The following PROM2 variants were observed in gnomAD, a reference collection of about 807,000 sequenced individuals.
PROM2 encodes prominin 2, also known as prominin-2.
Under a neutral mutation model 110.2 loss-of-function variants are expected in PROM2, and 90 were observed. That is an observed-to-expected ratio of 0.82 (90% CI 0.69 to 0.97). The LOEUF (loss-of-function observed/expected upper bound fraction) is 0.97. PROM2 is among the 50% of genes least tolerant of loss of function. The pLI is 0.00. For synonymous variants in PROM2, 470 were observed against 467.8 expected, an observed-to-expected ratio of 1.00 and a Z score of -0.06; for missense variants, 1,009 against 1,074.8, an observed-to-expected ratio of 0.94 and a Z score of 0.86.
chr2:95,278,666 C>A (rs1676824579), intron 8 of PROM2, 55 bp from the exon 9 acceptor site: 4 of 1,609,208 alleles, frequency 2.5e-6, no homozygotes, highest in African/African-American at 1.3e-5. Flanking sequence ...TGGGGTCTCC[C>A]AAGAGGGGAC....
Position 95,276,875 on chromosome 2 carries a change from C to T in PROM2, c.683-97C>T. The T allele has an allele frequency of 1.5e-6, 2 of 1,354,952 alleles. No homozygotes were observed. The highest frequency in any genetic ancestry group is 2.5e-5 in the South Asian group (2 of 79,398). The allele number at this position is 1,354,952 out of a possible 1,614,324, so 83.9% of individuals were successfully genotyped here. On this transcript the variant is annotated intron_variant, in intron 5 of 23. Coordinates refer to ENST00000317620, the MANE Select transcript of PROM2 (RefSeq NM_001165978.3). This position sits in a 1 kb window ranked among gnomAD's most constrained non-coding sequence, Gnocchi z 4.6. Reference sequence around the variant, plus strand: ...TTCACTCCCCTCCACCCCCCGGCTCCTGCAGAGCCCGGTGGGGCCTGGGGA... The same window carrying T: ...TTCACTCCCCTCCACCCCCCGGCTCTTGCAGAGCCCGGTGGGGCCTGGGGA...
intron 11 of PROM2, 98 bp from the exon 12 acceptor site, chr2:95,281,143 TG>T: frequency 6.7e-7 from 1 of 1,500,124 alleles, no homozygotes; most frequent in Non-Finnish European, 9.0e-7. Context: ...TGGGGCCAAC[TG>T]GCTGAGCAGG....
At chr2:95,283,670 C>T (rs559898138) in intron 14 of PROM2, among the ~76,000 whole-genome samples, 8 of 152,332 alleles carry the variant, frequency 5.3e-5, no homozygotes, top group Admixed American at 1.3e-4. Flanking sequence ...TCCACTCTGA[C>T]CTCAGTTTCT....
At position 95,277,550 on chromosome 2, in the gene PROM2, G is replaced by A; in HGVS notation, c.959G>A (p.Gly320Asp). Residue 320 changes from glycine (G) to aspartate (D), a missense_variant, in exon 7 of 24, where the codon GGT becomes GAT. By Grantham distance (94) the Gly-to-Asp change is moderately conservative (BLOSUM62 -1). Transcript: ENST00000317620. ...ALSWARTLEL[G>D]ADFSQVPSVD... ...AGCTGGGCCCGCACCCTGGAGCTGGGTGCTGACTTCAGCCAGGTGCAGACC... is the reference window on the plus strand; with the variant it reads ...AGCTGGGCCCGCACCCTGGAGCTGGATGCTGACTTCAGCCAGGTGCAGACC... 1.9e-6 allele frequency: 3 copies of A among 1,582,140 alleles called. No homozygotes were observed. Among genetic ancestry groups the A allele is most frequent in the Non-Finnish European group, 1.7e-6 (2 of 1,164,904 alleles).
Position 95,289,304 on chromosome 2 carries a change from C to G in PROM2, c.*91C>G. Reference sequence around the variant, plus strand: ...GACTTCGGTAGCTCTTGCCCCAGAGCCCAGGCTGGCATCCAGGCCTGGACT... The same window carrying G: ...GACTTCGGTAGCTCTTGCCCCAGAGGCCAGGCTGGCATCCAGGCCTGGACT... On this transcript the variant is annotated 3_prime_UTR_variant, in exon 24 of 24. Transcript: ENST00000317620. 2.2e-6 allele frequency: 1 copy of G among 457,090 alleles called. No individual in the cohort carries two copies. Among genetic ancestry groups the G allele is most frequent in the Non-Finnish European group, 4.0e-6 (1 of 247,436 alleles). 28.3% of individuals were successfully genotyped at this position (457,090 alleles called of 1,614,324 possible). A position where few individuals can be genotyped will look rare whatever the true frequency, so the allele number is the denominator to read the frequency against.
rs1261900341 is a variant in PROM2 at position 95,276,783 on chromosome 2, C to G, written c.682+126C>G. On this transcript the variant is annotated intron_variant, in intron 5 of 23. Coordinates refer to ENST00000317620, the MANE Select transcript of PROM2 (RefSeq NM_001165978.3). The surrounding 1 kb of genome is among the most constrained non-coding windows in gnomAD (Gnocchi z 4.6). The stretch of plus-strand genomic sequence containing the variant: ...GGAACAGGCTGGTAGAGGTGGGGAT[C>G]AGGCCGGCTGGAGAGCAAGAGTGGC... 1.6e-6 allele frequency: 2 copies of G among 1,215,682 alleles called. No homozygotes were observed. The highest frequency in any genetic ancestry group is 1.5e-5 in the African/African-American group (1 of 66,442). 75.3% of individuals were successfully genotyped at this position (1,215,682 alleles called of 1,614,324 possible).
intron 11 of PROM2, among the ~76,000 whole-genome samples, chr2:95,280,788 G>A (rs1040923905): frequency 1.3e-5 from 2 of 152,142 alleles, no homozygotes; most frequent in African/African-American, 4.8e-5. Flanking sequence ...GGGACTACAG[G>A]CGTGTGCCAC....
Position 95,277,484 on chromosome 2 carries a change from TG to T in PROM2, c.894del (p.Gln299ArgfsTer13), listed in dbSNP as rs1676743399. ...REHRDRLLELLQEARCQGDCA... is the reference protein window; with the variant it reads ...REHRDRLLELXQEARCQGDCA... Reference sequence around the variant, plus strand: ...CACCGGGACCGCCTCCTTGAGCTGCTGCAGGAGGCCAGGTGCCAGGGAGATT... The same window carrying T: ...CACCGGGACCGCCTCCTTGAGCTGCTCAGGAGGCCAGGTGCCAGGGAGATT... On this transcript the variant is annotated frameshift_variant, in exon 7 of 24. Transcript: ENST00000317620. LOFTEE classifies it high-confidence loss of function. 9.3e-6 allele frequency: 15 copies of T among 1,612,308 alleles called. No individual in the cohort carries two copies. The highest frequency in any genetic ancestry group is 1.3e-5 in the Non-Finnish European group (15 of 1,179,730).
At position 95,274,656 on chromosome 2, in the gene PROM2, C is replaced by T; in HGVS notation, c.71C>T (p.Ala24Val). ...CTGGGGCTGGCCCTGAGTCAGCTGGCTGCAGGGGCCACAGACTGCAAGTTC... is the reference window on the plus strand; with the variant it reads ...CTGGGGCTGGCCCTGAGTCAGCTGGTTGCAGGGGCCACAGACTGCAAGTTC... Reference protein sequence around the residue: ...LGLGLALSQLAAGATDCKFLG... With the variant: ...LGLGLALSQLVAGATDCKFLG... The change falls in exon 1 of 24, where the codon GCT becomes GTT. Residue 24 changes from alanine to valine, a missense_variant. Coordinates refer to ENST00000317620, the MANE Select transcript of PROM2 (RefSeq NM_001165978.3). The T allele has an allele frequency of 6.2e-7, 1 of 1,610,788 alleles. No homozygotes were observed. Among genetic ancestry groups the T allele is most frequent in the Non-Finnish European group, 8.5e-7 (1 of 1,177,994 alleles).
At position 95,276,503 on chromosome 2, in the gene PROM2, G is replaced by A. The variant is rs1431626635; in HGVS notation, c.619-91G>A. 6.2e-7 allele frequency: 1 copy of A among 1,602,578 alleles called. No homozygotes were observed. Among genetic ancestry groups the A allele is most frequent in the Non-Finnish European group, 8.5e-7 (1 of 1,170,744 alleles). ...AGAGTCGACCACCCTCAGGGTGGAT[G>A]CCATAGGGGCAGGGAAGGGGCCAGG... is the stretch of plus-strand genomic sequence containing the variant. On this transcript the variant is annotated intron_variant, in intron 4 of 23. Coordinates refer to ENST00000317620, the MANE Select transcript of PROM2 (RefSeq NM_001165978.3). This position sits in a 1 kb window ranked among gnomAD's most constrained non-coding sequence, Gnocchi z 4.6.
chr2:95,288,682 T>C lies in PROM2; in HGVS notation c.2441+93T>C, dbSNP rs1166769161. Reference sequence around the variant, plus strand: ...CCCTGTCACAGCCCCTCCTGAGACCTCCCAGGCAGAGGAGGCTCATGAGCG... The same window carrying C: ...CCCTGTCACAGCCCCTCCTGAGACCCCCCAGGCAGAGGAGGCTCATGAGCG... On this transcript the variant is annotated intron_variant, in intron 22 of 23. Transcript: ENST00000317620. The C allele has an allele frequency of 5.4e-6, 6 of 1,120,984 alleles. No homozygotes were observed. The African/African-American group carries it at 6.2e-5, about 12-fold the overall frequency. 69.4% of individuals were successfully genotyped at this position (1,120,984 alleles called of 1,614,324 possible).
In PROM2 at chr2:95,279,163, T is replaced by A. The variant is rs756654563; in HGVS notation, c.1274+19T>A. Reference sequence around the variant, plus strand: ...CCTACAGGTGCTGGGCACCGCAGGGTGGGATGGGGTGGGGTGGGGTGGGCA... The same window carrying A: ...CCTACAGGTGCTGGGCACCGCAGGGAGGGATGGGGTGGGGTGGGGTGGGCA... On this transcript the variant is annotated intron_variant, in intron 10 of 23. Transcript: ENST00000317620. 2.7e-6 allele frequency: 1 copy of A among 366,232 alleles called. No homozygotes were observed. Among genetic ancestry groups the A allele is most frequent in the Non-Finnish European group, 4.7e-6 (1 of 210,982 alleles). The allele number at this position is 366,232 out of a possible 1,614,324, so 22.7% of individuals were successfully genotyped here. A position where few individuals can be genotyped will look rare whatever the true frequency, so the allele number is the denominator to read the frequency against.
chr2:95,279,252 G>A (rs1676882164), intron 10 of PROM2, 108 bp downstream of exon 10: 21 of 830,422 alleles, frequency 2.5e-5, no homozygotes, highest in South Asian at 9.9e-5. Context: ...GCCCCTGACT[G>A]TACTGAGCCT....
At position 95,289,295 on chromosome 2, in the gene PROM2, G is replaced by A. The variant is rs1427831382; in HGVS notation, c.*82G>A. The A allele has an allele frequency of 6.4e-6, 3 of 469,516 alleles. No individual in the cohort carries two copies. The highest frequency in any genetic ancestry group is 5.9e-5 in the African/African-American group (3 of 50,872). The allele number at this position is 469,516 out of a possible 1,614,324, so 29.1% of individuals were successfully genotyped here. A position where few individuals can be genotyped will look rare whatever the true frequency, so the allele number is the denominator to read the frequency against. On this transcript the variant is annotated 3_prime_UTR_variant, in exon 24 of 24. Transcript: ENST00000317620. ...GGGCCACAGGACTTCGGTAGCTCTTGCCCCAGAGCCCAGGCTGGCATCCAG... is the reference window on the plus strand; with the variant it reads ...GGGCCACAGGACTTCGGTAGCTCTTACCCCAGAGCCCAGGCTGGCATCCAG...
At position 95,276,418 on chromosome 2, in the gene PROM2, G is replaced by A. The variant is rs1330975588; in HGVS notation, c.618+71G>A. ...GGCCCGGGCAGGACAGAGCCGAGTG[G>A]GCCCTCGATGGCCCATAACCAGCGC... On this transcript the variant is annotated intron_variant, in intron 4 of 23. Coordinates refer to ENST00000317620, the MANE Select transcript of PROM2 (RefSeq NM_001165978.3). This position sits in a 1 kb window ranked among gnomAD's most constrained non-coding sequence, Gnocchi z 4.6. 1 of 1,594,322 alleles carries A rather than the reference G, an allele frequency of 6.3e-7. No individual in the cohort carries two copies. The highest frequency in any genetic ancestry group is 1.7e-5 in the Admixed American group (1 of 58,726).
chr2:95,286,364 G>A (rs1677353955), intron 16 of PROM2, 115 bp from the exon 17 acceptor site: 2 of 860,446 alleles, frequency 2.3e-6, no homozygotes, highest in South Asian at 3.3e-5. Context: ...GGAGGCCTCA[G>A]TTTTCTGCCT....
chr2:95,280,008 G>T lies in PROM2; in HGVS notation c.1427+11G>T. The T allele has an allele frequency of 2.1e-6, 3 of 1,422,786 alleles. No individual in the cohort carries two copies. Among genetic ancestry groups the T allele is most frequent in the Non-Finnish European group, 2.8e-6 (3 of 1,083,436 alleles). 88.1% of individuals were successfully genotyped at this position (1,422,786 alleles called of 1,614,324 possible). On this transcript the variant is annotated intron_variant, in intron 11 of 23. Coordinates refer to ENST00000317620, the MANE Select transcript of PROM2 (RefSeq NM_001165978.3). ...CCGCTTCCTCATGGCGTAAGAAAGG[G>T]CTGGGAGAGGGGAAGGGTCCCCTCT...
chr2:95,278,892 CTG>C, intron 9 of PROM2, 91 bp from the exon 10 acceptor site: 2 of 1,604,032 alleles, frequency 1.2e-6, no homozygotes, highest in East Asian at 4.5e-5. Flanking sequence ...TGTCTTCCCT[CTG>C]TGGTTCCCAG....
At chr2:95,284,266 G>T (rs1406536548) in intron 14 of PROM2, among the ~76,000 whole-genome samples, 9 of 152,202 alleles carry the variant, frequency 5.9e-5, no homozygotes, top group Admixed American at 5.2e-4. Context: ...AAGCTGAGGT[G>T]GAAGGATTAC....
Sources: gnomAD v4.1 joint callset for allele counts (sites outside exome capture counted in the v4.1 genomes callset) on GRCh38, gnomAD v4.1.1 for gene constraint, Gnocchi (gnomAD v3.1) non-coding constraint, MANE v1.5 for transcripts, NCBI Gene and HGNC (gene_info 2026-07-23, HGNC 2026-07-21) for gene names.